PCGF3: variants seen among roughly 807,000 people sequenced by gnomAD.
PCGF3 encodes the protein polycomb group ring finger 3.
Under a neutral mutation model 33.1 loss-of-function variants are expected in PCGF3, and 7 were observed. The observed-to-expected ratio is 0.21, with a 90% CI of 0.12 to 0.40. PCGF3 has a LOEUF of 0.40. PCGF3 is among the 10% of genes least tolerant of loss of function. The pLI, the probability that PCGF3 is intolerant of heterozygous loss-of-function variation, is 1.00. For missense variants in PCGF3, 211 were observed against 313.3 expected, an observed-to-expected ratio of 0.67 and a Z score of 2.46; for synonymous variants, 153 against 121.3, an observed-to-expected ratio of 1.26 and a Z score of -1.72.
rs546703325 is a variant in PCGF3, at chr4:762,348, G to A, written c.600+932G>A. On this transcript the variant is annotated intron_variant, in intron 9 of 10. Transcript: ENST00000362003. Reference sequence around the variant, plus strand: ...CTGGAGGCTGGAGGGAGGCAGCCTCGAGGCAAGCCAGGGAGCCCCTGGGCC... The same window carrying A: ...CTGGAGGCTGGAGGGAGGCAGCCTCAAGGCAAGCCAGGGAGCCCCTGGGCC... 6.0e-4 allele frequency: 96 copies of A among 159,520 alleles called. 1 individual carries two copies. Among genetic ancestry groups the A allele is most frequent in the Admixed American group, 5.2e-3 (79 of 15,300 alleles). The allele number at this position is 159,520 out of a possible 1,614,324, so 9.9% of individuals were successfully genotyped here.
At chr4:756,827 G>C (rs1744790020) in intron 8 of PCGF3, among the ~76,000 whole-genome samples, 1 of 152,172 alleles carries the variant, frequency 6.6e-6, no homozygotes, top group Non-Finnish European at 1.5e-5. Context: ...AGAGGGGCCT[G>C]CCGGGGGCTC....
chr4:755,918 T>C (rs1418159051), intron 8 of PCGF3, among the ~76,000 whole-genome samples: 1 of 142,138 alleles, frequency 7.0e-6, no homozygotes, highest in Non-Finnish European at 1.5e-5. Context: ...TTTTTTTTTT[T>C]TTTTTTTTTT....
intron 1 of PCGF3, among the ~76,000 whole-genome samples, chr4:724,464 G>A (rs1406358837): frequency 6.6e-6 from 1 of 152,252 alleles, no homozygotes; most frequent in Admixed American, 6.5e-5. Context: ...GCTGGGTGGG[G>A]TGGCAGCTGC....
chr4:760,031 A>G (rs1237719992), intron 8 of PCGF3, among the ~76,000 whole-genome samples: 4 of 152,138 alleles, frequency 2.6e-5, no homozygotes, highest in South Asian at 2.1e-4. Flanking sequence ...TGATGCTTGC[A>G]GGCGGCCTCG....
At chr4:730,434 A>C (rs1743504290) in intron 1 of PCGF3, among the ~76,000 whole-genome samples, 196 bp from the exon 2 acceptor site, 1 of 152,024 alleles carries the variant, frequency 6.6e-6, no homozygotes, top group Non-Finnish European at 1.5e-5. Context: ...GCCTGGGCTC[A>C]GAGACGCCCG....
intron 4 of PCGF3, 32 bp downstream of exon 4, chr4:733,821 G>A (rs1338869298): frequency 1.4e-5 from 23 of 1,613,678 alleles, no homozygotes; most frequent in Non-Finnish European, 1.9e-5. Context: ...CCCAGGGAGG[G>A]CGCGCCCTTC....
intron 8 of PCGF3, among the ~76,000 whole-genome samples, chr4:759,988 G>C (rs561186220): frequency 2.0e-5 from 3 of 152,086 alleles, no homozygotes; most frequent in Non-Finnish European, 4.4e-5. Context: ...CAGACTCCCG[G>C]ATCTTCTTCC....
intron 8 of PCGF3, 27 bp downstream of exon 8, chr4:744,715 GT>G: frequency 1.7e-6 from 2 of 1,207,984 alleles, no homozygotes; most frequent in Non-Finnish European, 2.3e-6. Context: ...GGTCGCTGCA[GT>G]GTTAGTGTTC....
exon 11 of PCGF3, chr4:769,951 G>C (rs967011295): frequency 6.6e-6 from 1 of 152,544 alleles, no homozygotes; most frequent in Admixed American, 6.5e-5. Flanking sequence ...TGTAATTTTT[G>C]TACTCTTGGT....
At chr4:765,922 T>C in intron 10 of PCGF3, 110 bp from the exon 11 acceptor site, 1 of 938,966 alleles carries the variant, frequency 1.1e-6, no homozygotes, top group Non-Finnish European at 1.7e-6. Context: ...CAGCCCTGCA[T>C]GTGGACTGTG....
chr4:714,899 C>G (rs1297378700), intron 1 of PCGF3, among the ~76,000 whole-genome samples: 1 of 152,270 alleles, frequency 6.6e-6, no homozygotes, highest in East Asian at 1.9e-4. Flanking sequence ...AGTAACAGAA[C>G]TGGGCGTCGG....
intron 1 of PCGF3, among the ~76,000 whole-genome samples, chr4:713,462 C>T (rs1435033359): frequency 7.6e-6 from 1 of 131,504 alleles, no homozygotes; most frequent in African/African-American, 2.9e-5. Flanking sequence ...CTTGTGGGGG[C>T]TATGGCCTCA....
At chr4:765,352 G>A (rs1577452374) in intron 10 of PCGF3, among the ~76,000 whole-genome samples, 4 of 152,054 alleles carry the variant, frequency 2.6e-5, no homozygotes, top group Admixed American at 2.6e-4. Context: ...AGAATGGTGT[G>A]AACCCGGGAG....
chr4:722,684 C>G lies in PCGF3; in HGVS notation c.-189-7946C>G, dbSNP rs1464400547. Among the ~76,000 whole-genome samples, 2 of 120,100 alleles carry G rather than the reference C, an allele frequency of 1.7e-5. 1 individual carries two copies. Among genetic ancestry groups the G allele is most frequent in the Non-Finnish European group, 3.4e-5 (2 of 58,004 alleles). The allele number at this position is 120,100 out of a possible 152,430, so 78.8% of individuals were successfully genotyped here. A position where few individuals can be genotyped will look rare whatever the true frequency, so the allele number is the denominator to read the frequency against. ...ATCACCTGTCTGCGCTGGGTCCACA[C>G]TCGCGTCATCACCTGTCTGCGCTGG... On this transcript the variant is annotated intron_variant, in intron 1 of 10. Coordinates refer to ENST00000362003, the Ensembl canonical transcript of PCGF3.
At chr4:718,270 G>A (rs541783077) in intron 1 of PCGF3, among the ~76,000 whole-genome samples, 54 of 152,190 alleles carry the variant, frequency 3.5e-4, no homozygotes, top group African/African-American at 1.3e-3. Flanking sequence ...GGGTAGCCCC[G>A]GGGGCGGCGC....
intron 8 of PCGF3, among the ~76,000 whole-genome samples, chr4:751,710 G>A (rs1744521877): frequency 6.6e-6 from 1 of 151,914 alleles, no homozygotes; most frequent in Non-Finnish European, 1.5e-5. Flanking sequence ...CCCTCCAAAG[G>A]GCATGAAGCT....
chr4:731,077 G>A (rs1381410552), exon 3 of PCGF3: 4 of 398,500 alleles, frequency 1.0e-5, no homozygotes, highest in East Asian at 7.1e-5. Flanking sequence ...TCCATGCCCC[G>A]GCAGAGGGAC....
intron 3 of PCGF3, 52 bp downstream of exon 3, chr4:731,162 C>A: frequency 2.5e-6 from 1 of 398,608 alleles, no homozygotes; most frequent in Admixed American, 4.4e-5. Flanking sequence ...CTTGCCCTGC[C>A]CTGTTGCTGG....
At chr4:719,529 G>A (rs964803582) in intron 1 of PCGF3, among the ~76,000 whole-genome samples, 4 of 152,252 alleles carry the variant, frequency 2.6e-5, no homozygotes, top group African/African-American at 9.6e-5. Flanking sequence ...TGTCCTCCGC[G>A]CGGGTTGGCG....
Sources: gnomAD v4.1 joint callset for allele counts (sites outside exome capture counted in the v4.1 genomes callset) on GRCh38, gnomAD v4.1.1 for gene constraint, MANE v1.5 for transcripts, NCBI Gene and HGNC (gene_info 2026-07-23, HGNC 2026-07-21) for gene names.